LEMD1: variants seen among roughly 807,000 people sequenced by gnomAD.
LEMD1 encodes LEM domain containing 1.
In LEMD1, 18 loss-of-function variants were observed where a neutral mutation model predicts 17.4. The observed-to-expected ratio is 1.04, with a 90% CI of 0.72 to 1.54. LEMD1 has a LOEUF of 1.54. Ranked by LOEUF, LEMD1 falls within the 40% of genes most tolerant of loss-of-function variation. LEMD1 has a pLI of 0.00. For synonymous variants in LEMD1, 88 were observed against 77.8 expected, an observed-to-expected ratio of 1.13 and a Z score of -0.69; for missense variants, 195 against 210.4, an observed-to-expected ratio of 0.93 and a Z score of 0.45.
At chr1:205,447,189 C>T (rs1666406612) in intron 1 of LEMD1, among the ~76,000 whole-genome samples, 1 of 152,224 alleles carries the variant, frequency 6.6e-6, no homozygotes, top group African/African-American at 2.4e-5. Context: ...AGTTGTGCTC[C>T]TTCCTATCCA....
At chr1:205,382,191 C>T in intron 5 of LEMD1, 1 of 235,352 alleles carries the variant, frequency 4.2e-6, no homozygotes, top group Non-Finnish European at 8.3e-6. Context: ...ATTTCGTAGG[C>T]CAGGTGTGGT....
chr1:205,386,528 T>C (rs1306406594), intron 4 of LEMD1: 6 of 151,746 alleles, frequency 4.0e-5, no homozygotes, highest in Admixed American at 3.9e-4. Flanking sequence ...ATGGTCTCGA[T>C]CTCCTGACCT....
intron 4 of LEMD1, among the ~76,000 whole-genome samples, chr1:205,394,815 T>A (rs931356369): frequency 6.6e-6 from 1 of 151,942 alleles, no homozygotes; most frequent in East Asian, 2.0e-4. Context: ...GGTGAAACCC[T>A]GTCTCTACTA....
At chr1:205,425,147 C>T (rs1190126848), upstream of LEMD1, among the ~76,000 whole-genome samples, 1 of 152,194 alleles carries the variant, frequency 6.6e-6, no homozygotes, top group African/African-American at 2.4e-5. Context: ...GTTTGGTCTA[C>T]ACAGCACTGA....
chr1:205,408,328 T>TAC (rs34904075), intron 4 of LEMD1, among the ~76,000 whole-genome samples: 2,176 of 148,682 alleles, frequency 0.015, 17 homozygotes, highest in African/African-American at 0.023. Context: ...AATGGTAGGG[T>TAC]ACACACACAC....
rs190299445 is a variant in LEMD1, at chr1:205,416,795, G to A, written c.206-499C>T. On this transcript the variant is annotated intron_variant, in intron 3 of 5. Coordinates refer to ENST00000367153, the MANE Select transcript of LEMD1 (RefSeq NM_001199050.2). ...GCATTTTGATAAACCTAGAGGAATGGTGGAGTTGCACATCCATTTTAAATG... is the reference window on the plus strand; with the variant it reads ...GCATTTTGATAAACCTAGAGGAATGATGGAGTTGCACATCCATTTTAAATG... Among the ~76,000 whole-genome samples the A allele has an allele frequency of 2.2e-4, 34 of 152,322 alleles. 1 individual carries two copies. The highest frequency in any genetic ancestry group is 1.0e-3 in the South Asian group (5 of 4,830).
intron 4 of LEMD1, among the ~76,000 whole-genome samples, chr1:205,396,278 C>G (rs758458916): frequency 2.6e-5 from 4 of 152,326 alleles, no homozygotes; most frequent in South Asian, 4.1e-4. Flanking sequence ...TCTCAAAGTG[C>G]TGGGATAATA....
chr1:205,401,595 T>A (rs1664857121), intron 4 of LEMD1, among the ~76,000 whole-genome samples: 1 of 152,190 alleles, frequency 6.6e-6, no homozygotes, highest in Admixed American at 6.5e-5. Flanking sequence ...TTCTGGATAT[T>A]AGCCCTTTGT....
At chr1:205,390,220 TGG>T (rs1276904418) in intron 4 of LEMD1, among the ~76,000 whole-genome samples, 3 of 152,056 alleles carry the variant, frequency 2.0e-5, no homozygotes, top group African/African-American at 4.8e-5. Flanking sequence ...CCGGGCATGG[TGG>T]TGTGCATCTG....
intron 1 of LEMD1, among the ~76,000 whole-genome samples, chr1:205,445,965 C>T (rs1324875307): frequency 1.3e-5 from 2 of 152,148 alleles, no homozygotes; most frequent in Non-Finnish European, 2.9e-5. Context: ...AGAGAGTCAT[C>T]TGAATTCAGT....
chr1:205,414,211 C>A (rs1665585752), intron 4 of LEMD1, among the ~76,000 whole-genome samples: 1 of 152,034 alleles, frequency 6.6e-6, no homozygotes, highest in Non-Finnish European at 1.5e-5. Context: ...ATGATTAAAT[C>A]TCTGCTTGTA....
At chr1:205,407,413 T>C (rs1180859885) in intron 4 of LEMD1, among the ~76,000 whole-genome samples, 1 of 151,916 alleles carries the variant, frequency 6.6e-6, no homozygotes, top group African/African-American at 2.4e-5. Context: ...AAGGTTGAAT[T>C]AATCACTGAT....
chr1:205,395,960 A>G (rs998100086), intron 4 of LEMD1, among the ~76,000 whole-genome samples: 12 of 152,196 alleles, frequency 7.9e-5, no homozygotes, highest in African/African-American at 2.9e-4. Flanking sequence ...CACACTGACA[A>G]AAATAAATCT....
At chr1:205,430,882 G>C (rs1198904656) in intron 1 of LEMD1, among the ~76,000 whole-genome samples, 1 of 152,254 alleles carries the variant, frequency 6.6e-6, no homozygotes, top group East Asian at 1.9e-4. Flanking sequence ...TGACAGTTCA[G>C]ATGTAAATAT....
At chr1:205,426,598 G>A (rs1666057958), upstream of LEMD1, among the ~76,000 whole-genome samples, 1 of 152,192 alleles carries the variant, frequency 6.6e-6, no homozygotes, top group African/African-American at 2.4e-5. Flanking sequence ...CGTAGGCAAA[G>A]GCATATCATG....
chr1:205,405,970 C>G (rs527530493), intron 4 of LEMD1, among the ~76,000 whole-genome samples: 74 of 152,344 alleles, frequency 4.9e-4, no homozygotes, highest in African/African-American at 1.8e-3. Context: ...GAGGTCCACT[C>G]CAGACCCCGT....
intron 4 of LEMD1, among the ~76,000 whole-genome samples, chr1:205,390,451 A>G (rs1239252542): frequency 1.3e-5 from 2 of 152,150 alleles, no homozygotes; most frequent in Admixed American, 6.5e-5. Context: ...CATAAGTCAT[A>G]CTCAAAGGTA....
At chr1:205,414,869 C>G (rs973102390) in intron 4 of LEMD1, among the ~76,000 whole-genome samples, 1 of 152,094 alleles carries the variant, frequency 6.6e-6, no homozygotes, top group Non-Finnish European at 1.5e-5. Flanking sequence ...GCCTGGGTAA[C>G]AGAATGAGAC....
intron 4 of LEMD1, among the ~76,000 whole-genome samples, chr1:205,391,058 T>A (rs1052510582): frequency 1.3e-5 from 2 of 152,190 alleles, no homozygotes; most frequent in South Asian, 2.1e-4. Context: ...AAGTACCCCC[T>A]GAATCTAAAA....
Sources: gnomAD v4.1 joint callset for allele counts (sites outside exome capture counted in the v4.1 genomes callset) on GRCh38, gnomAD v4.1.1 for gene constraint, MANE v1.5 for transcripts, NCBI Gene and HGNC (gene_info 2026-07-23, HGNC 2026-07-21) for gene names.